Variants in VAV1 observed in about 807,000 individuals in gnomAD.
VAV1 encodes vav guanine nucleotide exchange factor 1.
A neutral mutation model predicts 128.1 loss-of-function variants in VAV1; 33 were observed. The ratio of observed to expected loss-of-function variants is 0.26; its 90% CI spans 0.20 to 0.34. The LOEUF is 0.34. Among genes scored for constraint, VAV1 ranks in the 10% least tolerant of loss-of-function variants. VAV1 has a pLI of 1.00. For missense variants in VAV1, 715 were observed against 1,093.7 expected, an observed-to-expected ratio of 0.65 and a Z score of 4.88; for synonymous variants, 394 against 409.8, an observed-to-expected ratio of 0.96 and a Z score of 0.47.
In VAV1 at chr19:6,827,259, G is replaced by GTTTGT. The variant is rs533535715; in HGVS notation, c.927+567_927+571dup. Among the ~76,000 whole-genome samples the GTTTGT allele has an allele frequency of 4.2e-4, 64 of 151,886 alleles. No individual in the cohort carries two copies. In the South Asian group the frequency reaches 8.1e-3, roughly 19 times the overall value. Reference sequence around the variant, plus strand: ...CACATTCCAGTGGGTTTGTTTGTTTGTTTGTTTTGTTTTGTTTTGTTTTTT... The same window carrying GTTTGT: ...CACATTCCAGTGGGTTTGTTTGTTTGTTTGTTTTGTTTTGTTTTGTTTTGTTTTTT... On this transcript the variant is annotated intron_variant, in intron 9 of 26. Coordinates refer to ENST00000602142, the MANE Select transcript of VAV1 (RefSeq NM_005428.4).
chr19:6,832,710 TTCC>T (rs1394828356), intron 15 of VAV1, among the ~76,000 whole-genome samples: 1 of 146,472 alleles, frequency 6.8e-6, no homozygotes, highest in Non-Finnish European at 1.5e-5. Flanking sequence ...TTTCCTCCTC[TTCC>T]TCTTCTTCCT....
chr19:6,856,392 A>C (rs1200995110), intron 26 of VAV1, among the ~76,000 whole-genome samples: 1 of 151,954 alleles, frequency 6.6e-6, no homozygotes, highest in Non-Finnish European at 1.5e-5. Context: ...ATACATAATG[A>C]ATCAGACGGT....
At chr19:6,845,718 C>T (rs2144818268) in intron 22 of VAV1, among the ~76,000 whole-genome samples, 1 of 148,618 alleles carries the variant, frequency 6.7e-6, no homozygotes, top group South Asian at 2.1e-4. Context: ...TTATACCATA[C>T]ACAATATATT....
intron 1 of VAV1, among the ~76,000 whole-genome samples, chr19:6,788,508 G>A (rs568941502): frequency 6.6e-6 from 1 of 151,662 alleles, no homozygotes; most frequent in African/African-American, 2.4e-5. Flanking sequence ...TAGTAGCTGG[G>A]ATTACAGACA....
chr19:6,822,467 C>T lies in VAV1; in HGVS notation c.607C>T (p.Gln203Ter), dbSNP rs1284743157. ...DKRCCCLREI[Q>*]QTEEKYTDTL... Reference sequence around the variant, plus strand: ...GCGCTGCTGCTGCCTGCGGGAGATCCAGCAGACGGAGGAGAAGTACACTGA... The same window carrying T: ...GCGCTGCTGCTGCCTGCGGGAGATCTAGCAGACGGAGGAGAAGTACACTGA... The change falls in exon 6 of 27, where the codon CAG (glutamine) becomes TAG (stop). Residue 203 changes from glutamine (Q) to a stop codon, truncating the protein, a stop_gained. Coordinates refer to ENST00000602142, the MANE Select transcript of VAV1 (RefSeq NM_005428.4). LOFTEE classifies it high-confidence loss of function. This position sits in a 1 kb window ranked among gnomAD's most constrained non-coding sequence, Gnocchi z 5.9. The T allele has an allele frequency of 6.4e-7, 1 of 1,562,134 alleles. No individual in the cohort carries two copies. Among genetic ancestry groups the T allele is most frequent in the African/African-American group, 1.4e-5 (1 of 73,590 alleles).
chr19:6,798,235 T>C (rs1396142622), intron 1 of VAV1, among the ~76,000 whole-genome samples: 1 of 151,090 alleles, frequency 6.6e-6, no homozygotes, highest in Non-Finnish European at 1.5e-5. Flanking sequence ...GGAGATCGCA[T>C]CATTGCACTC....
chr19:6,825,375 C>T lies in VAV1; in HGVS notation c.796C>T (p.Leu266Phe). 6.2e-7 allele frequency: 1 copy of T among 1,613,910 alleles called. No individual in the cohort carries two copies. The highest frequency in any genetic ancestry group is 1.7e-5 in the Admixed American group (1 of 60,018). Residue 266 changes from leucine (L) to phenylalanine (F), a missense_variant, in exon 8 of 27, where the codon CTC becomes TTC. Leu to Phe is a conservative substitution (Grantham distance 22). This residue lies in a region of VAV1 where 302 missense variants were observed against 477.8 expected (regional missense o/e 0.63). Coordinates refer to ENST00000602142, the MANE Select transcript of VAV1 (RefSeq NM_005428.4). ...EALGTPGAAN[L>F]YQVFIKYKER... ...CCTGGGCACCCCTGGCGCAGCCAATCTCTACCAGGTCTTCATCAAATACAA... is the reference window on the plus strand; with the variant it reads ...CCTGGGCACCCCTGGCGCAGCCAATTTCTACCAGGTCTTCATCAAATACAA...
At chr19:6,809,198 T>C (rs1971462935) in intron 1 of VAV1, among the ~76,000 whole-genome samples, 1 of 152,004 alleles carries the variant, frequency 6.6e-6, no homozygotes. Flanking sequence ...CTCAGCCTCC[T>C]GAGTAGCTGG....
At chr19:6,821,307 A>G (rs1309000946) in intron 2 of VAV1, among the ~76,000 whole-genome samples, 2 of 152,118 alleles carry the variant, frequency 1.3e-5, no homozygotes, top group African/African-American at 2.4e-5. Flanking sequence ...AGGCTGAGGC[A>G]GGAGAATCGC....
intron 19 of VAV1, among the ~76,000 whole-genome samples, chr19:6,834,948 C>T (rs995061950): frequency 2.6e-5 from 4 of 151,410 alleles, no homozygotes; most frequent in East Asian, 1.9e-4. Flanking sequence ...TAAAAATTAG[C>T]GGGGTTCTTG....
rs952783995 is a variant in VAV1 at position 6,857,039 on chromosome 19, C to T, written c.2485-15C>T. On this transcript the variant is annotated splice_polypyrimidine_tract_variant and intron_variant, in intron 26 of 26. Coordinates refer to ENST00000602142, the MANE Select transcript of VAV1 (RefSeq NM_005428.4). ...GTGCAGAGGTTGCACTGATGAACTCCTCGTCTGTTTCCAGGTTGGCTGGTT... is the reference window on the plus strand; with the variant it reads ...GTGCAGAGGTTGCACTGATGAACTCTTCGTCTGTTTCCAGGTTGGCTGGTT... 6.2e-7 allele frequency: 1 copy of T among 1,613,728 alleles called. No homozygotes were observed. The highest frequency in any genetic ancestry group is 8.5e-7 in the Non-Finnish European group (1 of 1,179,696).
At chr19:6,812,406 GCAC>G (rs1971533274) in intron 1 of VAV1, among the ~76,000 whole-genome samples, 1 of 152,188 alleles carries the variant, frequency 6.6e-6, no homozygotes, top group South Asian at 2.1e-4. Flanking sequence ...TGTGATCCCA[GCAC>G]TTTGGGAGGC....
chr19:6,807,298 A>G (rs1334790025), intron 1 of VAV1, among the ~76,000 whole-genome samples: 1 of 151,918 alleles, frequency 6.6e-6, no homozygotes, highest in East Asian at 1.9e-4. Flanking sequence ...CTGCAACTAG[A>G]TGATCCCATC....
At position 6,820,686 on chromosome 19, in the gene VAV1, C is replaced by G; in HGVS notation, c.205-16C>G. ...CTTTCGTACTGCCCCACCCTCATTT[C>G]TCTGTCTCCTCACAGTTCCTGTGCC... is the stretch of plus-strand genomic sequence containing the variant. On this transcript the variant is annotated splice_polypyrimidine_tract_variant and intron_variant, in intron 1 of 26. Transcript: ENST00000602142. This position sits in a 1 kb window ranked among gnomAD's most constrained non-coding sequence, Gnocchi z 4.4. The G allele has an allele frequency of 6.2e-7, 1 of 1,612,704 alleles. No individual in the cohort carries two copies. Among genetic ancestry groups the G allele is most frequent in the Non-Finnish European group, 8.5e-7 (1 of 1,178,714 alleles).
At chr19:6,833,842 G>T in intron 18 of VAV1, 66 bp from the exon 19 acceptor site, 1 of 1,613,812 alleles carries the variant, frequency 6.2e-7, no homozygotes, top group East Asian at 2.2e-5. Context: ...GGTGAGGAGA[G>T]TAAGGGGGCC....
At chr19:6,785,865 G>T (rs1356833875) in intron 1 of VAV1, among the ~76,000 whole-genome samples, 1 of 151,688 alleles carries the variant, frequency 6.6e-6, no homozygotes, top group African/African-American at 2.4e-5. Context: ...TCACCATGTT[G>T]GCCAGCTGGT....
rs576736614 is a variant in VAV1, at chr19:6,782,900, G to A, written c.204+9889G>A. Among the ~76,000 whole-genome samples, 470 of 150,390 alleles carry A rather than the reference G, an allele frequency of 3.1e-3. 1 individual carries two copies. The highest frequency in any genetic ancestry group is 8.8e-3 in the African/African-American group (362 of 41,066). ...CCTGTCTCGGAAGAAAAAAAAAAAA[G>A]GCCAGGTGCAGTGGCTCACGCCTGT... On this transcript the variant is annotated intron_variant, in intron 1 of 26. Coordinates refer to ENST00000602142, the MANE Select transcript of VAV1 (RefSeq NM_005428.4).
intron 22 of VAV1, among the ~76,000 whole-genome samples, chr19:6,846,802 GTTATATATTATTATATAATGA>G (rs956518777): frequency 1.0e-4 from 15 of 146,300 alleles, no homozygotes; most frequent in African/African-American, 3.7e-4. Context: ...ACAATAGATA[GTTATATATTATTATATAATGA>G]TTATATATTA....
intron 1 of VAV1, among the ~76,000 whole-genome samples, chr19:6,773,678 C>T (rs1970552324): frequency 6.6e-6 from 1 of 152,106 alleles, no homozygotes; most frequent in Non-Finnish European, 1.5e-5. Flanking sequence ...GCTGCATTTT[C>T]TCGGCAGGGA....
Sources: allele counts gnomAD v4.1 joint callset (sites outside exome capture counted in the v4.1 genomes callset), GRCh38; gene constraint gnomAD v4.1.1; regional missense constraint gnomAD v4.1.1; non-coding constraint Gnocchi (gnomAD v3.1); transcripts MANE v1.5; gene names NCBI Gene and HGNC (gene_info 2026-07-23, HGNC 2026-07-21).